Variants in PRSS16 observed in about 807,000 individuals in gnomAD.
The protein encoded by PRSS16 is serine protease 16.
A neutral mutation model predicts 61.7 loss-of-function variants in PRSS16; 43 were observed. That is an observed-to-expected ratio of 0.70 (90% CI 0.55 to 0.90). The LOEUF (loss-of-function observed/expected upper bound fraction) is 0.90. Among genes scored for constraint, PRSS16 ranks in the 40% least tolerant of loss-of-function variants. PRSS16 has a pLI of 0.00. For synonymous variants in PRSS16, 273 were observed against 285.2 expected (o/e 0.96, Z 0.43); for missense variants, 591 against 659.1 (o/e 0.90, Z 1.13).
rs1355737208 is a variant in PRSS16, at chr6:27,248,050, T to C, written c.237+2T>C. ...TCCGACAGACGATCCTTCCTACAGG[T>C]GAGGCCGGGAGACGGGGAGTCCACT... On this transcript the variant is annotated splice_donor_variant, in intron 2 of 11. Transcript: ENST00000230582. LOFTEE classifies it high-confidence loss of function. The C allele has an allele frequency of 6.2e-7, 1 of 1,612,828 alleles. No homozygotes were observed. Among genetic ancestry groups the C allele is most frequent in the Admixed American group, 1.7e-5 (1 of 59,804 alleles).
chr6:27,251,209 G>T lies in PRSS16; in HGVS notation c.670-8G>T, dbSNP rs1266060738. ...TTCCGGATACCTTCCTCTGCGGTCC[G>T]CCCACAGGTGGTATCCCGAAGCCTA... On this transcript the variant is annotated splice_polypyrimidine_tract_variant and splice_region_variant and intron_variant, in intron 6 of 11. Transcript: ENST00000230582. This position sits in a 1 kb window ranked among gnomAD's most constrained non-coding sequence, Gnocchi z 5.6. 1 of 1,612,772 alleles carries T rather than the reference G, an allele frequency of 6.2e-7. No individual in the cohort carries two copies. The highest frequency in any genetic ancestry group is 2.2e-5 in the East Asian group (1 of 44,832).
intron 4 of PRSS16, among the ~76,000 whole-genome samples, chr6:27,249,555 C>T (rs774069896): frequency 6.6e-6 from 1 of 152,172 alleles, no homozygotes; most frequent in African/African-American, 2.4e-5. Context: ...TCCTGCTCTG[C>T]CCTTGACTTC....
In PRSS16 at chr6:27,248,859, A is replaced by G; in HGVS notation, c.250A>G (p.Asn84Asp). The change falls in exon 3 of 12, where the codon AAT becomes GAT. Residue 84 changes from asparagine (N) to aspartate (D), a missense_variant. By Grantham distance (23) the Asn-to-Asp change is conservative (BLOSUM62 1). Coordinates refer to ENST00000230582, the MANE Select transcript of PRSS16 (RefSeq NM_005865.4). ...TCCCACCTCTCAGCGTTACTGGGTG[A>G]ATGACCAACATTGGGTTGGCCAGGA... ...RRSFLQRYWV[N>D]DQHWVGQDGP... The G allele has an allele frequency of 6.2e-7, 1 of 1,609,256 alleles. No individual in the cohort carries two copies. Among genetic ancestry groups the G allele is most frequent in the Non-Finnish European group, 8.5e-7 (1 of 1,177,248 alleles).
intron 9 of PRSS16, chr6:27,253,885 C>A (rs915032681): frequency 4.5e-5 from 7 of 154,794 alleles, no homozygotes; most frequent in Admixed American, 1.3e-4. Flanking sequence ...TATTATAAGG[C>A]TTTACATATT....
At chr6:27,249,018 T>C (rs529729938) in intron 3 of PRSS16, 72 bp downstream of exon 3, 67 of 1,517,698 alleles carry the variant, frequency 4.4e-5, no homozygotes, top group Non-Finnish European at 3.1e-5. Flanking sequence ...CATATTGCAA[T>C]GCTGTGAGAC....
chr6:27,252,304 TG>T lies in PRSS16; in HGVS notation c.1008+270del. ...TTGCCTATCCTGTCCTGTTCTCTTT[TG>T]GGGGGCCTGCAGGAGTGCCTGGCAC... On this transcript the variant is annotated intron_variant, in intron 8 of 11. Transcript: ENST00000230582. This position sits in a 1 kb window ranked among gnomAD's most constrained non-coding sequence, Gnocchi z 4.2. 2.1e-6 allele frequency: 1 copy of T among 473,902 alleles called. No individual in the cohort carries two copies. Among genetic ancestry groups the T allele is most frequent in the South Asian group, 4.8e-5 (1 of 20,892 alleles). 29.4% of individuals were successfully genotyped at this position (473,902 alleles called of 1,614,324 possible).
chr6:27,247,752 T>G lies in PRSS16; in HGVS notation c.15T>G (p.Leu5=). Residue 5 remains leucine, a synonymous_variant, in exon 1 of 12, where the codon CTT becomes CTG. Transcript: ENST00000230582. The stretch of plus-strand genomic sequence containing the variant: ...TCCCGAACACCATGGCCGTCTGGCT[T>G]GCCCAGTGGCTGGGCCCTCTGCTCT... MAVW[L]AQWLGPLLLV... 6.3e-7 allele frequency: 1 copy of G among 1,582,936 alleles called. No homozygotes were observed. Among genetic ancestry groups the G allele is most frequent in the South Asian group, 1.1e-5 (1 of 87,424 alleles).
At position 27,255,950 on chromosome 6, in the gene PRSS16, C is replaced by T. The variant is rs888822786; in HGVS notation, c.*635C>T. ...CATGGCTATTTCCACTGCTCTATTTCTGACTCTCATTTTTGGTCTCTGTGT... is the reference window on the plus strand; with the variant it reads ...CATGGCTATTTCCACTGCTCTATTTTTGACTCTCATTTTTGGTCTCTGTGT... On this transcript the variant is annotated 3_prime_UTR_variant, in exon 12 of 12. Coordinates refer to ENST00000230582, the MANE Select transcript of PRSS16 (RefSeq NM_005865.4). The surrounding 1 kb of genome is among the most constrained non-coding windows in gnomAD (Gnocchi z 4.4). 1 of 152,936 alleles carries T rather than the reference C, an allele frequency of 6.5e-6. No individual in the cohort carries two copies. The highest frequency in any genetic ancestry group is 1.5e-5 in the Non-Finnish European group (1 of 68,744). 9.5% of individuals were successfully genotyped at this position (152,936 alleles called of 1,614,324 possible).
At position 27,251,420 on chromosome 6, in the gene PRSS16, A is replaced by C. The variant is rs891902777; in HGVS notation, c.717+156A>C. 1.3e-5 allele frequency: 13 copies of C among 1,006,190 alleles called. No homozygotes were observed. The African/African-American group carries it at 2.1e-4, about 16-fold the overall frequency. 62.3% of individuals were successfully genotyped at this position (1,006,190 alleles called of 1,614,324 possible). The stretch of plus-strand genomic sequence containing the variant: ...TACGCAGGTTTTGGAAGAAGGCGGG[A>C]GCTGACGAAGAGGAGGGGCACCAGG... On this transcript the variant is annotated intron_variant, in intron 7 of 11. Coordinates refer to ENST00000230582, the MANE Select transcript of PRSS16 (RefSeq NM_005865.4). This position sits in a 1 kb window ranked among gnomAD's most constrained non-coding sequence, Gnocchi z 5.6.
intron 9 of PRSS16, 133 bp from the exon 10 acceptor site, chr6:27,254,560 C>T: frequency 1.2e-6 from 1 of 867,006 alleles, no homozygotes. Flanking sequence ...AGTCTGTCTG[C>T]CAGGACTGTA....
At chr6:27,254,650 G>T in intron 9 of PRSS16, 43 bp from the exon 10 acceptor site, 1 of 1,512,472 alleles carries the variant, frequency 6.6e-7, no homozygotes, top group Non-Finnish European at 9.2e-7. Context: ...GGAGAGTGGT[G>T]GGCTGCCTGT....
Position 27,250,666 on chromosome 6 carries a change from C to T in PRSS16, c.468-17C>T, listed in dbSNP as rs201197789. The T allele has an allele frequency of 3.8e-6, 6 of 1,584,798 alleles. No individual in the cohort carries two copies. The East Asian group carries it at 1.1e-4, about 30-fold the overall frequency. Reference sequence around the variant, plus strand: ...TCCCAGCGATGAGGACCGACCGAGTCCCCCCTTTGACCCTAGGCTGGCTGA... The same window carrying T: ...TCCCAGCGATGAGGACCGACCGAGTTCCCCCTTTGACCCTAGGCTGGCTGA... On this transcript the variant is annotated splice_polypyrimidine_tract_variant and intron_variant, in intron 4 of 11. Coordinates refer to ENST00000230582, the MANE Select transcript of PRSS16 (RefSeq NM_005865.4).
At position 27,251,668 on chromosome 6, in the gene PRSS16, C is replaced by T; in HGVS notation, c.718-82C>T. 6.7e-7 allele frequency: 1 copy of T among 1,496,460 alleles called. No individual in the cohort carries two copies. The allele number at this position is 1,496,460 out of a possible 1,614,324, so 92.7% of individuals were successfully genotyped here. On this transcript the variant is annotated intron_variant, in intron 7 of 11. Coordinates refer to ENST00000230582, the MANE Select transcript of PRSS16 (RefSeq NM_005865.4). This position sits in a 1 kb window ranked among gnomAD's most constrained non-coding sequence, Gnocchi z 5.6. The stretch of plus-strand genomic sequence containing the variant: ...AGTCCCGCTAGGGGAAAGTGGGGAA[C>T]CCAAGGAGGACGCAGGTCCTGGGTA...
Position 27,251,365 on chromosome 6 carries a change from G to T in PRSS16, c.717+101G>T. ...GAAGGGCGAAACCTGCAACGTGGCG[G>T]GGTCTAAGGAAGGTCGGAGCTCGGG... On this transcript the variant is annotated intron_variant, in intron 7 of 11. Coordinates refer to ENST00000230582, the MANE Select transcript of PRSS16 (RefSeq NM_005865.4). The surrounding 1 kb of genome is among the most constrained non-coding windows in gnomAD (Gnocchi z 5.6). 1 of 1,422,944 alleles carries T rather than the reference G, an allele frequency of 7.0e-7. No individual in the cohort carries two copies. Among genetic ancestry groups the T allele is most frequent in the Non-Finnish European group, 9.4e-7 (1 of 1,064,480 alleles). The allele number at this position is 1,422,944 out of a possible 1,614,324, so 88.1% of individuals were successfully genotyped here.
chr6:27,254,715 A>C lies in PRSS16; in HGVS notation c.1173A>C (p.Arg391Ser). 2 of 1,613,678 alleles carry C rather than the reference A, an allele frequency of 1.2e-6. No homozygotes were observed. Among genetic ancestry groups the C allele is most frequent in the Middle Eastern group, 1.7e-4 (1 of 6,056 alleles). ...FGFYVTCENP[R>S]CPFSQLPALP... is the part of the protein sequence containing the mutation. ...CAGATGTCACCTGTGAGAATCCCAG[A>C]TGTCCTTTCTCCCAGCTCCCAGCAC... Residue 391 changes from arginine to serine, a missense_variant, in exon 10 of 12, where the codon AGA (arginine) becomes AGC (serine). By Grantham distance (110) the Arg-to-Ser change is moderately radical. Coordinates refer to ENST00000230582, the MANE Select transcript of PRSS16 (RefSeq NM_005865.4).
Position 27,252,067 on chromosome 6 carries a change from G to A in PRSS16, c.1008+27G>A. The stretch of plus-strand genomic sequence containing the variant: ...TGAGCACTCCCTGGCACAGCTGGGA[G>A]GAGTTAGCGGACAAAGATTCCTGCC... On this transcript the variant is annotated intron_variant, in intron 8 of 11. Coordinates refer to ENST00000230582, the MANE Select transcript of PRSS16 (RefSeq NM_005865.4). The surrounding 1 kb of genome is among the most constrained non-coding windows in gnomAD (Gnocchi z 4.2). The A allele has an allele frequency of 1.4e-6, 2 of 1,460,530 alleles. No homozygotes were observed. Among genetic ancestry groups the A allele is most frequent in the Non-Finnish European group, 1.8e-6 (2 of 1,111,046 alleles). The allele number at this position is 1,460,530 out of a possible 1,614,324, so 90.5% of individuals were successfully genotyped here. A position where few individuals can be genotyped will look rare whatever the true frequency, so the allele number is the denominator to read the frequency against.
chr6:27,254,317 A>G (rs571710417), intron 9 of PRSS16: 5 of 184,742 alleles, frequency 2.7e-5, no homozygotes, highest in Non-Finnish European at 4.5e-5. Flanking sequence ...CAGGGCAGAC[A>G]TAATACAATT....
Position 27,250,761 on chromosome 6 carries a change from C to G in PRSS16, c.546C>G (p.Phe182Leu). The change falls in exon 5 of 12, where the codon TTC (phenylalanine) becomes TTG (leucine). Residue 182 changes from phenylalanine (F) to leucine (L), a missense_variant. Phe to Leu is a conservative substitution (Grantham distance 22). Transcript: ENST00000230582. ...NISSSSPWICFGGSYAGSLAA... is the reference protein window; with the variant it reads ...NISSSSPWICLGGSYAGSLAA... ...CCTCCTCCAGCCCCTGGATCTGCTT[C>G]GGAGGCTCCTATGCCGGCTCCTTGG... 6.2e-7 allele frequency: 1 copy of G among 1,613,854 alleles called. No homozygotes were observed.
intron 9 of PRSS16, chr6:27,253,187 A>G (rs1328185172): frequency 7.5e-6 from 4 of 534,918 alleles, no homozygotes; most frequent in South Asian, 4.5e-5. Context: ...CCTTCAGCCT[A>G]TTCTTTCTCT....
Sources: gnomAD v4.1 joint callset for allele counts (sites outside exome capture counted in the v4.1 genomes callset) on GRCh38, gnomAD v4.1.1 for gene constraint, Gnocchi (gnomAD v3.1) non-coding constraint, MANE v1.5 for transcripts, NCBI Gene and HGNC (gene_info 2026-07-23, HGNC 2026-07-21) for gene names.